The following CAST variants were observed in gnomAD, a reference collection of about 807,000 sequenced individuals.
CAST encodes the protein MIR583 host.
In CAST, 76 loss-of-function variants were observed where a neutral mutation model predicts 119.6. That is an observed-to-expected ratio of 0.64 (90% CI 0.53 to 0.77). The LOEUF (loss-of-function observed/expected upper bound fraction) is 0.77. Among genes scored for constraint, CAST ranks in the 30% least tolerant of loss-of-function variants. CAST has a pLI of 0.00. For missense variants in CAST, 953 were observed against 946.5 expected (o/e 1.01, Z -0.09); for synonymous variants, 319 against 331.6 (o/e 0.96, Z 0.41).
chr5:96,643,509 A>C (rs555332926), intron 1 of CAST, among the ~76,000 whole-genome samples: 1 of 152,208 alleles, frequency 6.6e-6, no homozygotes, highest in South Asian at 2.1e-4. Flanking sequence ...AGGCCATGAC[A>C]GGTGGAACAT....
chr5:96,215,358 A>C, the CAST span: 1 of 152,186 alleles, frequency 6.6e-6, no homozygotes, highest in Non-Finnish European at 1.5e-5. Flanking sequence ...AACCCATTGT[A>C]AGCTAATGTA....
At chr5:96,724,434 C>T (rs898816779) in intron 4 of CAST, among the ~76,000 whole-genome samples, 1 of 152,118 alleles carries the variant, frequency 6.6e-6, no homozygotes, top group African/African-American at 2.4e-5. Flanking sequence ...CCTCCCATCT[C>T]AGCCTCCCAA....
At chr5:96,663,040 C>T in intron 1 of CAST, 1 of 698,288 alleles carries the variant, frequency 1.4e-6, no homozygotes, top group Non-Finnish European at 2.6e-6. Flanking sequence ...CAGCCCGGTC[C>T]CGGCCAAGCG....
At chr5:96,435,457 A>G in the CAST span, among the ~76,000 whole-genome samples, 1 of 152,224 alleles carries the variant, frequency 6.6e-6, no homozygotes, top group Admixed American at 6.5e-5. Context: ...TGGCATGCAG[A>G]AGAAATAAAT....
At chr5:96,083,345 G>A in the CAST span, among the ~76,000 whole-genome samples, 1 of 152,308 alleles carries the variant, frequency 6.6e-6, no homozygotes, top group South Asian at 2.1e-4. Context: ...ATTGTGTTCT[G>A]GAGGGATCTG....
intron 1 of CAST, among the ~76,000 whole-genome samples, chr5:96,609,083 CT>C (rs1217474620): frequency 6.6e-6 from 1 of 152,194 alleles, no homozygotes; most frequent in East Asian, 1.9e-4. Context: ...CCTGTCCAGC[CT>C]CAGACAGACA....
chr5:96,360,497 CT>C, the CAST span, among the ~76,000 whole-genome samples: 1 of 152,038 alleles, frequency 6.6e-6, no homozygotes, highest in Admixed American at 6.5e-5. Context: ...TGTTGATGAC[CT>C]TTGGATGGGG....
chr5:96,422,572 G>A, the CAST span, among the ~76,000 whole-genome samples: 9 of 152,186 alleles, frequency 5.9e-5, no homozygotes, highest in South Asian at 4.2e-4. Context: ...AATGCTTTCC[G>A]TATATTTCAA....
chr5:96,267,116 T>C, the CAST span, among the ~76,000 whole-genome samples: 2 of 152,042 alleles, frequency 1.3e-5, no homozygotes, highest in East Asian at 1.9e-4. Flanking sequence ...TTTGAAAATA[T>C]ACAATCAAAG....
chr5:96,146,545 T>A, the CAST span, among the ~76,000 whole-genome samples: 1 of 152,270 alleles, frequency 6.6e-6, no homozygotes, highest in Non-Finnish European at 1.5e-5. Context: ...TGCTTTAGAC[T>A]GTGCAGGACC....
the CAST span, among the ~76,000 whole-genome samples, chr5:96,044,520 GT>G: frequency 6.6e-6 from 1 of 152,110 alleles, no homozygotes; most frequent in Admixed American, 6.5e-5. Context: ...ATGTAATGGT[GT>G]TTTTGTTATA....
the CAST span, among the ~76,000 whole-genome samples, chr5:96,005,842 C>T: frequency 1.9e-3 from 290 of 151,912 alleles, 1 homozygote; most frequent in African/African-American, 6.5e-3. Context: ...AAGAGTACAA[C>T]GTAATGCATA....
At chr5:96,762,113 AAG>A (rs1442421072) in intron 24 of CAST, 159 bp from the exon 25 acceptor site, 9 of 453,392 alleles carry the variant, frequency 2.0e-5, no homozygotes, top group Non-Finnish European at 3.6e-5. Context: ...ATAGAGAAGA[AAG>A]AATTTAAATT....
the CAST span, among the ~76,000 whole-genome samples, chr5:96,388,250 G>T: frequency 2.0e-5 from 3 of 152,232 alleles, no homozygotes; most frequent in African/African-American, 7.2e-5. Flanking sequence ...ATAGAGTAAT[G>T]CTTATAAAAT....
chr5:96,022,321 A>G, the CAST span, among the ~76,000 whole-genome samples: 3 of 152,248 alleles, frequency 2.0e-5, no homozygotes, highest in African/African-American at 7.2e-5. Context: ...AACAAAAAAA[A>G]TCTAATTTCT....
At chr5:96,396,509 C>T in the CAST span, among the ~76,000 whole-genome samples, 1 of 148,788 alleles carries the variant, frequency 6.7e-6, no homozygotes, top group African/African-American at 2.5e-5. Flanking sequence ...TGCAGTGAGC[C>T]GAGACTGTGC....
the CAST span, among the ~76,000 whole-genome samples, chr5:96,314,019 A>G: frequency 7.9e-5 from 12 of 152,302 alleles, no homozygotes; most frequent in South Asian, 2.5e-3. Flanking sequence ...AATTACAAGT[A>G]TGCAGTACCC....
At chr5:96,122,952 T>A in the CAST span, among the ~76,000 whole-genome samples, 1 of 152,188 alleles carries the variant, frequency 6.6e-6, no homozygotes, top group Admixed American at 6.5e-5. Flanking sequence ...CTCCAAATAT[T>A]GAGTACCATT....
the CAST span, among the ~76,000 whole-genome samples, chr5:96,287,720 C>T: frequency 1.3e-5 from 2 of 151,866 alleles, no homozygotes; most frequent in African/African-American, 4.8e-5. Context: ...AAAATAAAAT[C>T]ACACTTATAT....
Sources: allele counts gnomAD v4.1 joint callset (sites outside exome capture counted in the v4.1 genomes callset), GRCh38; gene constraint gnomAD v4.1.1; transcripts MANE v1.5; gene names NCBI Gene and HGNC (gene_info 2026-07-23, HGNC 2026-07-21).